Variants in VWF observed in about 807,000 individuals in gnomAD.
VWF encodes the protein von Willebrand factor.
VWF carries 176 observed loss-of-function variants against 308.6 expected under a neutral mutation model. That is an observed-to-expected ratio of 0.57 (90% CI 0.50 to 0.65). The LOEUF (loss-of-function observed/expected upper bound fraction) is 0.65, where lower values mean the gene tolerates loss of function less well. Ranked by LOEUF, VWF falls within the 30% of genes least tolerant of loss-of-function variation. The probability of loss-of-function intolerance (pLI) is 0.00; values close to 1 mark genes in which losing one functional copy is unlikely to be tolerated. For synonymous variants in VWF, 1,385 were observed against 1,443.4 expected (o/e 0.96, Z 0.92); for missense variants, 3,146 against 3,648.2 (o/e 0.86, Z 3.55).
At chr12:6,081,033 G>A (rs568928803) in intron 6 of VWF, among the ~76,000 whole-genome samples, 83 of 152,184 alleles carry the variant, frequency 5.5e-4, no homozygotes, top group Non-Finnish European at 7.1e-4. Flanking sequence ...AGTCACGGGG[G>A]GCTATTGGCT....
chr12:6,092,616 A>AGTGAGAGAGAGAGAGAGAGAGAGTGTGT (rs796249343), intron 6 of VWF, among the ~76,000 whole-genome samples: 2 of 96,622 alleles, frequency 2.1e-5, no homozygotes, highest in African/African-American at 1.1e-4. Context: ...TGAGTGAGTG[A>AGTGAGAGAGAGAGAGAGAGAGAGTGTGT]GAGTGTGTGT....
At chr12:5,976,357 A>G (rs1158068440) in intron 42 of VWF, 97 bp from the exon 43 acceptor site, 2 of 1,515,010 alleles carry the variant, frequency 1.3e-6, no homozygotes, top group African/African-American at 2.7e-5. Context: ...AGTGCTGAGA[A>G]TGTGGCAATA....
chr12:6,032,908 ACG>A (rs1944286846), intron 20 of VWF, among the ~76,000 whole-genome samples: 1 of 151,924 alleles, frequency 6.6e-6, no homozygotes, highest in African/African-American at 2.4e-5. Flanking sequence ...ACATACACAC[ACG>A]TAGCCATACA....
chr12:6,074,264 A>G (rs1944814801), intron 7 of VWF, among the ~76,000 whole-genome samples: 1 of 152,098 alleles, frequency 6.6e-6, no homozygotes, highest in African/African-American at 2.4e-5. Flanking sequence ...CTTCACAGAT[A>G]TCACCTAAGC....
chr12:5,964,258 A>ACATGCATACATACATG, intron 47 of VWF, among the ~76,000 whole-genome samples: 1 of 146,208 alleles, frequency 6.8e-6, no homozygotes, highest in African/African-American at 2.8e-5. Context: ...ATGCATACAT[A>ACATGCATACATACATG]CATACATACA....
chr12:5,965,324 G>A (rs988876130), intron 47 of VWF, among the ~76,000 whole-genome samples: 2 of 152,096 alleles, frequency 1.3e-5, no homozygotes, highest in South Asian at 4.1e-4. Context: ...GTATTTCATC[G>A]ACGGCTCGCA....
intron 38 of VWF, among the ~76,000 whole-genome samples, chr12:5,987,103 T>C (rs1255409119): frequency 2.6e-5 from 4 of 151,988 alleles, no homozygotes; most frequent in African/African-American, 9.7e-5. Context: ...AATTTTTGTA[T>C]TTTAGTAGAG....
Position 6,052,590 on chromosome 12 carries a change from A to G in VWF, c.2139T>C (p.Gly713=). 6.2e-7 allele frequency: 1 copy of G among 1,614,180 alleles called. No homozygotes were observed. The highest frequency in any genetic ancestry group is 1.1e-5 in the South Asian group (1 of 91,082). The change falls in exon 16 of 52, where the codon GGT becomes GGC. Residue 713 remains glycine, a synonymous_variant. Coordinates refer to ENST00000261405, the MANE Select transcript of VWF (RefSeq NM_000552.5). ...AGATGTCTTCTGGCTGGAAGATCTC[A>G]CCGTCATAGTAACAGGGGCACTGGG... ...PKAQCPCYYD[G]EIFQPEDIFS...
rs111867665 is a variant in VWF at position 6,064,268 on chromosome 12, G to T, written c.1410C>A (p.Asp470Glu). 1.2e-6 allele frequency: 2 copies of T among 1,614,146 alleles called. No homozygotes were observed. Among genetic ancestry groups the T allele is most frequent in the Non-Finnish European group, 8.5e-7 (1 of 1,180,014 alleles). The part of the protein sequence containing the change: ...HGAGVAMDGQ[D>E]VQLPLLKGDL... ...TACCTTTCAGGAGGGGGAGCTGGACGTCCTGGCCATCCATGGCAACTCCTG... is the reference window on the plus strand; with the variant it reads ...TACCTTTCAGGAGGGGGAGCTGGACTTCCTGGCCATCCATGGCAACTCCTG... Residue 470 changes from aspartate (D) to glutamate (E), a missense_variant, in exon 12 of 52, where the codon GAC becomes GAA. Asp to Glu is a conservative substitution (Grantham distance 45, BLOSUM62 2). This residue lies in a region of VWF where 1,304 missense variants were observed against 1,353.0 expected (regional missense o/e 0.96). Coordinates refer to ENST00000261405, the MANE Select transcript of VWF (RefSeq NM_000552.5).
intron 47 of VWF, among the ~76,000 whole-genome samples, chr12:5,965,832 G>C (rs951314109): frequency 3.9e-5 from 6 of 152,310 alleles, no homozygotes; most frequent in East Asian, 1.9e-4. Flanking sequence ...ATTCAGCAAG[G>C]CTTGAGAGAT....
chr12:6,013,770 C>T, intron 31 of VWF, 125 bp from the exon 32 acceptor site: 4 of 1,067,436 alleles, frequency 3.7e-6, no homozygotes, highest in Middle Eastern at 2.9e-4. Context: ...TACATCAGCC[C>T]TATGAGGAAG....
chr12:6,046,893 T>C lies in VWF; in HGVS notation c.2187-76A>G. The C allele has an allele frequency of 1.5e-6, 2 of 1,343,808 alleles. No individual in the cohort carries two copies. The highest frequency in any genetic ancestry group is 2.1e-6 in the Non-Finnish European group (2 of 955,454). 83.2% of individuals were successfully genotyped at this position (1,343,808 alleles called of 1,614,324 possible). Reference sequence around the variant, plus strand: ...CTGCCTCCACATCTTCACCTCCCACTCACTCTCTGCCCCTTCCAACCAGGT... The same window carrying C: ...CTGCCTCCACATCTTCACCTCCCACCCACTCTCTGCCCCTTCCAACCAGGT... On this transcript the variant is annotated intron_variant, in intron 16 of 51. Transcript: ENST00000261405. This position sits in a 1 kb window ranked among gnomAD's most constrained non-coding sequence, Gnocchi z 5.0.
intron 11 of VWF, 130 bp from the exon 12 acceptor site, chr12:6,064,514 T>C (rs1944690690): frequency 7.2e-7 from 1 of 1,384,798 alleles, no homozygotes; most frequent in African/African-American, 1.4e-5. Flanking sequence ...TACAACTCCA[T>C]TCTCCCAGAA....
intron 6 of VWF, among the ~76,000 whole-genome samples, chr12:6,094,764 G>C (rs1945087513): frequency 6.6e-6 from 1 of 152,068 alleles, no homozygotes. Context: ...CCAGGATGGA[G>C]TGCAGTGGCA....
intron 18 of VWF, among the ~76,000 whole-genome samples, chr12:6,038,746 A>G (rs918028764): frequency 2.0e-5 from 3 of 152,214 alleles, no homozygotes; most frequent in Non-Finnish European, 4.4e-5. Flanking sequence ...TTATAATAGG[A>G]CCTTGATATT....
At chr12:5,990,291 G>A (rs1943723895) in intron 38 of VWF, among the ~76,000 whole-genome samples, 2 of 152,182 alleles carry the variant, frequency 1.3e-5, no homozygotes, top group Admixed American at 1.3e-4. Context: ...CTGATGTTAT[G>A]AATATAAATC....
chr12:6,119,841 G>A (rs551654908), intron 3 of VWF, among the ~76,000 whole-genome samples: 9 of 152,198 alleles, frequency 5.9e-5, no homozygotes, highest in South Asian at 4.2e-4. Context: ...GCAAGACTCC[G>A]TCTCAAAAAT....
Position 6,058,123 on chromosome 12 carries a change from A to G in VWF, c.1534-79T>C. On this transcript the variant is annotated intron_variant, in intron 13 of 51. Coordinates refer to ENST00000261405, the MANE Select transcript of VWF (RefSeq NM_000552.5). This position sits in a 1 kb window ranked among gnomAD's most constrained non-coding sequence, Gnocchi z 4.9. Reference sequence around the variant, plus strand: ...GTTGTTTAGCTAATGAGATGGTTTTAATAAAAAAAAAAAAGTTCCCCGGGT... The same window carrying G: ...GTTGTTTAGCTAATGAGATGGTTTTGATAAAAAAAAAAAAGTTCCCCGGGT... The G allele has an allele frequency of 6.6e-7, 1 of 1,509,388 alleles. No individual in the cohort carries two copies. Among genetic ancestry groups the G allele is most frequent in the East Asian group, 2.3e-5 (1 of 43,336 alleles). The allele number at this position is 1,509,388 out of a possible 1,614,324, so 93.5% of individuals were successfully genotyped here.
Position 6,031,445 on chromosome 12 carries a change from T to G in VWF, c.2819A>C (p.Glu940Ala), listed in dbSNP as rs1268610851. 1.2e-6 allele frequency: 2 copies of G among 1,613,956 alleles called. No individual in the cohort carries two copies. Among genetic ancestry groups the G allele is most frequent in the South Asian group, 1.1e-5 (1 of 91,076 alleles). The change falls in exon 21 of 52, where the codon GAG (glutamate) becomes GCG (alanine). Residue 940 changes from glutamate (E) to alanine (A), a missense_variant and splice_region_variant. Glu to Ala is a moderately radical substitution (Grantham distance 107). Transcript: ENST00000261405. ...EGGEIELFDG[E>A]VNVKRPMKDE... The stretch of plus-strand genomic sequence containing the variant: ...GGGTGGAGATGAGGCTGCACTTACC[T>G]CCCCGTCAAACAGCTCAATCTCTCC...
Sources: allele counts gnomAD v4.1 joint callset (sites outside exome capture counted in the v4.1 genomes callset), GRCh38; gene constraint gnomAD v4.1.1; regional missense constraint gnomAD v4.1.1; non-coding constraint Gnocchi (gnomAD v3.1); transcripts MANE v1.5; gene names NCBI Gene and HGNC (gene_info 2026-07-23, HGNC 2026-07-21).